Variants in TET2 observed in about 807,000 individuals in gnomAD.
TET2 encodes the protein tet methylcytosine dioxygenase 2, also known as methylcytosine dioxygenase TET2.
Under a neutral mutation model 142.9 loss-of-function variants are expected in TET2, and 299 were observed. The observed-to-expected ratio is 2.09, with a 90% CI of 1.90 to 2.30. The LOEUF (loss-of-function observed/expected upper bound fraction) is 2.30. Ranked by LOEUF, TET2 falls within the 30% of genes most tolerant of loss-of-function variation. The pLI is 0.00. For synonymous variants in TET2, 819 were observed against 849.0 expected (o/e 0.96, Z 0.61); for missense variants, 2,418 against 2,378.0 (o/e 1.02, Z -0.35).
intron 6 of TET2, among the ~76,000 whole-genome samples, chr4:105,250,157 T>G (rs1729793080): frequency 6.6e-6 from 1 of 152,184 alleles, no homozygotes. Context: ...AGACTGTTTT[T>G]TTTCAATTAA....
At chr4:105,268,411 T>C (rs1327589492) in intron 8 of TET2, among the ~76,000 whole-genome samples, 1 of 152,140 alleles carries the variant, frequency 6.6e-6, no homozygotes, top group Non-Finnish European at 1.5e-5. Context: ...ACTGGAGAGA[T>C]ACACTATGTT....
At chr4:105,253,300 C>T (rs1327200570) in intron 6 of TET2, among the ~76,000 whole-genome samples, 1 of 152,144 alleles carries the variant, frequency 6.6e-6, no homozygotes, top group East Asian at 1.9e-4. Context: ...TGACAATACA[C>T]ATCTTCCTAT....
At chr4:105,274,982 A>C in intron 10 of TET2, 66 bp from the exon 11 acceptor site, 5 of 1,458,012 alleles carry the variant, frequency 3.4e-6, no homozygotes, top group Non-Finnish European at 4.5e-6. Flanking sequence ...TATCCTCACT[A>C]GCCTTCATAA....
At chr4:105,250,957 C>T (rs1283089589) in intron 6 of TET2, among the ~76,000 whole-genome samples, 1 of 152,180 alleles carries the variant, frequency 6.6e-6, no homozygotes, top group Non-Finnish European at 1.5e-5. Context: ...ACTGGGATTA[C>T]AGGCATGAGC....
chr4:105,211,449 G>A (rs1727154880), intron 2 of TET2, among the ~76,000 whole-genome samples: 1 of 152,186 alleles, frequency 6.6e-6, no homozygotes, highest in South Asian at 2.1e-4. Context: ...ATAGATGAAA[G>A]AATGTTGAAG....
chr4:105,221,873 C>T (rs1451646971), intron 2 of TET2, among the ~76,000 whole-genome samples: 1 of 150,054 alleles, frequency 6.7e-6, no homozygotes, highest in Non-Finnish European at 1.5e-5. Flanking sequence ...CGTCCCCCCA[C>T]CCCACAACAG....
intron 1 of TET2, among the ~76,000 whole-genome samples, chr4:105,158,674 T>C (rs1723682702): frequency 6.6e-6 from 1 of 152,148 alleles, no homozygotes; most frequent in African/African-American, 2.4e-5. Flanking sequence ...GTCCTGCAAA[T>C]AGAGGAAGTA....
intron 1 of TET2, among the ~76,000 whole-genome samples, chr4:105,169,640 A>G (rs1257777405): frequency 1.3e-5 from 2 of 152,188 alleles, no homozygotes; most frequent in African/African-American, 2.4e-5. Flanking sequence ...GTTCTTGGTC[A>G]TGAAGTCTTT....
chr4:105,243,721 C>CCGAGA lies in TET2; in HGVS notation c.3749_3753dup (p.Leu1252ArgfsTer3), dbSNP rs1729433810. On this transcript the variant is annotated frameshift_variant, in exon 6 of 11. Coordinates refer to ENST00000380013, the MANE Select transcript of TET2 (RefSeq NM_001127208.3). LOFTEE classifies it high-confidence loss of function. ...GCTGACAAACTCTACTCGGAGCTTA[C>CCGAGA]CGAGACGCTGAGGAAATACGGCACG... The CCGAGA allele has an allele frequency of 6.4e-7, 1 of 1,551,354 alleles. No homozygotes were observed. The highest frequency in any genetic ancestry group is 8.7e-7 in the Non-Finnish European group (1 of 1,146,916).
Position 105,236,587 on chromosome 4 carries a change from G to A in TET2, c.2645G>A (p.Cys882Tyr), listed in dbSNP as rs745318734. ...CCAAAGCAAGATCTTCTTCACAGGTGCTTTCAAGAACAGGAGCAGAAGTCA... is the reference window on the plus strand; with the variant it reads ...CCAAAGCAAGATCTTCTTCACAGGTACTTTCAAGAACAGGAGCAGAAGTCA... Reference protein sequence around the residue: ...VIPKQDLLHRCFQEQEQKSQQ... With the variant: ...VIPKQDLLHRYFQEQEQKSQQ... Residue 882 changes from cysteine (C) to tyrosine (Y), a missense_variant, in exon 3 of 11, where the codon TGC becomes TAC. Coordinates refer to ENST00000380013, the MANE Select transcript of TET2 (RefSeq NM_001127208.3). 3.1e-6 allele frequency: 5 copies of A among 1,613,948 alleles called. No individual in the cohort carries two copies. The highest frequency in any genetic ancestry group is 2.5e-6 in the Non-Finnish European group (3 of 1,180,018).
chr4:105,251,594 A>G (rs1729873078), intron 6 of TET2, among the ~76,000 whole-genome samples: 1 of 150,888 alleles, frequency 6.6e-6, no homozygotes, highest in Admixed American at 6.6e-5. Flanking sequence ...ACTTGGCCTC[A>G]GTGTGTATTA....
chr4:105,272,869 A>ATC lies in TET2; in HGVS notation c.4489_4490dup (p.Arg1498HisfsTer74). On this transcript the variant is annotated frameshift_variant, in exon 10 of 11. Coordinates refer to ENST00000380013, the MANE Select transcript of TET2 (RefSeq NM_001127208.3). LOFTEE classifies it low-confidence loss of function (END_TRUNC). ...AAAATGAAAAGGAAAAGTCAGCCCC[A>ATC]TCACGTACAAAACAAACTGAAAACG... 1 of 1,549,298 alleles carries ATC rather than the reference A, an allele frequency of 6.5e-7. No individual in the cohort carries two copies. The highest frequency in any genetic ancestry group is 8.7e-7 in the Non-Finnish European group (1 of 1,146,400).
intron 6 of TET2, among the ~76,000 whole-genome samples, chr4:105,252,594 A>C (rs1159780932): frequency 6.6e-6 from 1 of 152,110 alleles, no homozygotes; most frequent in African/African-American, 2.4e-5. Context: ...TCTGTGTCTT[A>C]TTTTTTCATT....
chr4:105,262,639 T>C (rs1322175122), intron 8 of TET2, among the ~76,000 whole-genome samples: 2 of 152,106 alleles, frequency 1.3e-5, no homozygotes, highest in Non-Finnish European at 2.9e-5. Context: ...CCCAACACTT[T>C]GGGAGGCCAA....
Position 105,279,243 on chromosome 4 carries a change from T to TGTCA in TET2, c.*2725_*2728dup, listed in dbSNP as rs113053849. ...AATATTTGATTTCTGTGTCACCTAC[T>TGTCA]GTCATTTGTTAAACTGCTGGCCAAC... On this transcript the variant is annotated 3_prime_UTR_variant, in exon 11 of 11. Transcript: ENST00000380013. 7 of 232,252 alleles carry TGTCA rather than the reference T, an allele frequency of 3.0e-5. No individual in the cohort carries two copies. The highest frequency in any genetic ancestry group is 1.3e-4 in the African/African-American group (6 of 45,410). 14.4% of individuals were successfully genotyped at this position (232,252 alleles called of 1,614,324 possible). A position where few individuals can be genotyped will look rare whatever the true frequency, so the allele number is the denominator to read the frequency against.
At chr4:105,249,984 A>T (rs2110267746) in intron 6 of TET2, among the ~76,000 whole-genome samples, 1 of 152,294 alleles carries the variant, frequency 6.6e-6, no homozygotes, top group South Asian at 2.1e-4. Context: ...CTCATTCAAG[A>T]TCTGAAAGAT....
chr4:105,207,239 T>C (rs543103545), intron 2 of TET2, among the ~76,000 whole-genome samples: 1 of 152,292 alleles, frequency 6.6e-6, no homozygotes, highest in South Asian at 2.1e-4. Context: ...ATTTACTATC[T>C]TGTGAGTTTT....
chr4:105,154,772 C>A (rs1392333136), intron 1 of TET2, among the ~76,000 whole-genome samples: 1 of 152,120 alleles, frequency 6.6e-6, no homozygotes, highest in African/African-American at 2.4e-5. Context: ...CACCTGTAAT[C>A]CCAGCACTTT....
At chr4:105,171,544 TAGAGGTC>T (rs1387487420) in intron 1 of TET2, 1 of 152,170 alleles carries the variant, frequency 6.6e-6, no homozygotes, top group Non-Finnish European at 1.5e-5. Context: ...GAGAAAAAAT[TAGAGGTC>T]AAAACAGTTT....
Sources: gnomAD v4.1 joint callset for allele counts (sites outside exome capture counted in the v4.1 genomes callset) on GRCh38, gnomAD v4.1.1 for gene constraint, MANE v1.5 for transcripts, NCBI Gene and HGNC (gene_info 2026-07-23, HGNC 2026-07-21) for gene names.